The following NFILZ variants were observed in gnomAD, a reference collection of about 807,000 sequenced individuals.
NFILZ encodes the protein NFIL3 like protein.
Position 8,678,126 on chromosome 19 carries a change from C to CGT in NFILZ, c.*491_*492insGT, listed in dbSNP as rs1555750980. Among the ~76,000 whole-genome samples, 1 of 106,600 alleles carries CGT rather than the reference C, an allele frequency of 9.4e-6. No individual in the cohort carries two copies. 69.9% of individuals were successfully genotyped at this position (106,600 alleles called of 152,430 possible). On this transcript the variant is annotated 3_prime_UTR_variant, in exon 6 of 6. Transcript: ENST00000691075. Reference sequence around the variant, plus strand: ...CCATCCATCCATCCATCCATCCATCCCTCCATCCATTCATCCACTTGTCCG... The same window carrying CGT: ...CCATCCATCCATCCATCCATCCATCCGTCTCCATCCATTCATCCACTTGTCCG...
chr19:8,648,229 C>T (rs912317515), intron 3 of NFILZ, among the ~76,000 whole-genome samples: 8 of 148,568 alleles, frequency 5.4e-5, no homozygotes, highest in Non-Finnish European at 8.9e-5. Context: ...AATACCTAGG[C>T]GATGGGTTGA....
intron 3 of NFILZ, among the ~76,000 whole-genome samples, chr19:8,656,830 G>C (rs1272400962): frequency 6.6e-6 from 1 of 152,170 alleles, no homozygotes; most frequent in Non-Finnish European, 1.5e-5. Context: ...CATGCACCAG[G>C]GAGGGTCTGG....
At chr19:8,639,024 A>G (rs149663710) in intron 3 of NFILZ, among the ~76,000 whole-genome samples, 321 of 151,952 alleles carry the variant, frequency 2.1e-3, no homozygotes, top group African/African-American at 7.4e-3. Context: ...TTGTATTTGT[A>G]ATAGAGACAG....
chr19:8,642,914 G>A (rs1289641173), intron 3 of NFILZ, among the ~76,000 whole-genome samples: 1 of 151,196 alleles, frequency 6.6e-6, no homozygotes, highest in African/African-American at 2.4e-5. Flanking sequence ...CGAGTGGTTG[G>A]GTGTTGAATC....
intron 3 of NFILZ, among the ~76,000 whole-genome samples, chr19:8,655,815 G>A (rs549349107): frequency 3.3e-5 from 5 of 152,056 alleles, no homozygotes; most frequent in Admixed American, 3.3e-4. Flanking sequence ...CTTGTTCACT[G>A]TCTTGGAGCT....
intron 3 of NFILZ, among the ~76,000 whole-genome samples, chr19:8,663,732 G>GTGTGTGTGTGTGTGTATGTGTGTGTA (rs2043045375): frequency 9.7e-6 from 1 of 102,834 alleles, no homozygotes; most frequent in African/African-American, 3.4e-5. Flanking sequence ...TTGTGTGTGT[G>GTGTGTGTGTGTGTGTATGTGTGTGTA]TGTGTGTGTG....
chr19:8,655,019 C>T (rs1303867217), intron 3 of NFILZ, among the ~76,000 whole-genome samples: 1 of 152,228 alleles, frequency 6.6e-6, no homozygotes, highest in Non-Finnish European at 1.5e-5. Flanking sequence ...CTTTGCTGCT[C>T]CTTCTGCCTG....
chr19:8,662,527 G>GGAGT (rs1260271150), intron 3 of NFILZ, among the ~76,000 whole-genome samples: 1 of 152,120 alleles, frequency 6.6e-6, no homozygotes, highest in African/African-American at 2.4e-5. Flanking sequence ...CGGCTGGAGT[G>GGAGT]GAGTGAGTGA....
At chr19:8,657,454 G>A (rs2043010198) in intron 3 of NFILZ, among the ~76,000 whole-genome samples, 1 of 152,080 alleles carries the variant, frequency 6.6e-6, no homozygotes, top group South Asian at 2.1e-4. Flanking sequence ...CTGCTGCAGG[G>A]TCCTGTTGCT....
chr19:8,657,303 C>G (rs1555748619), intron 3 of NFILZ, among the ~76,000 whole-genome samples: 1 of 151,652 alleles, frequency 6.6e-6, no homozygotes, highest in Non-Finnish European at 1.5e-5. Flanking sequence ...GGGGTTTCAT[C>G]ATGTTGGCCA....
intron 3 of NFILZ, among the ~76,000 whole-genome samples, chr19:8,671,270 G>C (rs1384473726): frequency 6.6e-6 from 1 of 152,028 alleles, no homozygotes; most frequent in Non-Finnish European, 1.5e-5. Flanking sequence ...TGCCTGTCTC[G>C]CCACCCTCCG....
intron 3 of NFILZ, among the ~76,000 whole-genome samples, chr19:8,642,262 T>C (rs1284039220): frequency 6.6e-6 from 1 of 152,056 alleles, no homozygotes; most frequent in African/African-American, 2.4e-5. Flanking sequence ...CACCTAGTGG[T>C]TCTGTGATGA....
intron 3 of NFILZ, among the ~76,000 whole-genome samples, chr19:8,672,399 A>G (rs967327537): frequency 6.6e-6 from 1 of 152,060 alleles, no homozygotes; most frequent in Non-Finnish European, 1.5e-5. Context: ...ATTCCAAAAA[A>G]TATTCATGCA....
At chr19:8,636,586 A>T (rs1555746122) in intron 3 of NFILZ, among the ~76,000 whole-genome samples, 1 of 150,506 alleles carries the variant, frequency 6.6e-6, no homozygotes, top group Non-Finnish European at 1.5e-5. Flanking sequence ...CTAGGATTAC[A>T]GGCATGCACC....
chr19:8,650,171 T>G (rs1238053898), intron 3 of NFILZ, among the ~76,000 whole-genome samples: 1 of 152,010 alleles, frequency 6.6e-6, no homozygotes, highest in African/African-American at 2.4e-5. Flanking sequence ...GTTTTTTTTT[T>G]TGTGGTTGTT....
chr19:8,675,981 A>T (rs1234834026), intron 4 of NFILZ, among the ~76,000 whole-genome samples: 3 of 152,198 alleles, frequency 2.0e-5, no homozygotes, highest in Admixed American at 2.0e-4. Context: ...AAAAAAAATG[A>T]ATCTCTCAGT....
At chr19:8,652,947 T>G (rs930311241) in intron 3 of NFILZ, among the ~76,000 whole-genome samples, 12 of 149,536 alleles carry the variant, frequency 8.0e-5, no homozygotes, top group Non-Finnish European at 1.3e-4. Flanking sequence ...TCTCTTTCTC[T>G]CTCTTTCTTT....
intron 3 of NFILZ, among the ~76,000 whole-genome samples, chr19:8,636,685 G>T (rs577110822): frequency 1.3e-5 from 2 of 151,552 alleles, no homozygotes; most frequent in Non-Finnish European, 2.9e-5. Flanking sequence ...TTGAACTCCC[G>T]ACCTCAGGTG....
At chr19:8,656,334 CTT>C (rs2042996013) in intron 3 of NFILZ, among the ~76,000 whole-genome samples, 6 of 68,468 alleles carry the variant, frequency 8.8e-5, no homozygotes, top group African/African-American at 2.0e-4. Context: ...AAGCCCCCTT[CTT>C]CCTGAAGCCC....
Sources: gnomAD v4.1 joint callset for allele counts (sites outside exome capture counted in the v4.1 genomes callset) on GRCh38, gnomAD v4.1.1 for gene constraint, MANE v1.5 for transcripts, NCBI Gene and HGNC (gene_info 2026-07-23, HGNC 2026-07-21) for gene names.